The following AOAH variants were observed in gnomAD, a reference collection of about 807,000 sequenced individuals.
AOAH encodes the protein acyloxyacyl hydrolase.
AOAH carries 64 observed loss-of-function variants against 92.2 expected under a neutral mutation model. That is an observed-to-expected ratio of 0.69 (90% CI 0.57 to 0.86). The LOEUF (loss-of-function observed/expected upper bound fraction) is 0.86, where lower values mean the gene tolerates loss of function less well. Ranked by LOEUF, AOAH falls within the 40% of genes least tolerant of loss-of-function variation. The pLI, the probability that AOAH is intolerant of heterozygous loss-of-function variation, is 0.00. For synonymous variants in AOAH, 263 were observed against 254.5 expected, an observed-to-expected ratio of 1.03 and a Z score of -0.32; for missense variants, 656 against 694.6, an observed-to-expected ratio of 0.94 and a Z score of 0.62.
chr7:36,522,354 G>A (rs965993842), intron 19 of AOAH, among the ~76,000 whole-genome samples: 2 of 152,252 alleles, frequency 1.3e-5, no homozygotes, highest in African/African-American at 4.8e-5. Flanking sequence ...AATGTGGTTT[G>A]TGTAGCAGGG....
chr7:36,624,420 T>C (rs551890904), intron 6 of AOAH, among the ~76,000 whole-genome samples: 1 of 152,354 alleles, frequency 6.6e-6, no homozygotes, highest in African/African-American at 2.4e-5. Flanking sequence ...AATGGCAGCC[T>C]GGAGCCTGTC....
At chr7:36,617,830 G>A (rs2116002654) in intron 10 of AOAH, among the ~76,000 whole-genome samples, 1 of 152,310 alleles carries the variant, frequency 6.6e-6, no homozygotes, top group East Asian at 1.9e-4. Context: ...GTTATAGTCT[G>A]GCAGTCTCTC....
intron 2 of AOAH, among the ~76,000 whole-genome samples, chr7:36,685,549 A>T (rs534770596): frequency 6.6e-6 from 1 of 152,200 alleles, no homozygotes; most frequent in Non-Finnish European, 1.5e-5. Flanking sequence ...AACCAAAAAC[A>T]TTACTGGCAA....
chr7:36,690,158 T>C (rs923839794), intron 1 of AOAH: 3 of 455,058 alleles, frequency 6.6e-6, no homozygotes, highest in African/African-American at 2.0e-5. Flanking sequence ...CTTATGACAG[T>C]TGTGGCTTCT....
chr7:36,626,915 G>A (rs1049298654), intron 6 of AOAH, among the ~76,000 whole-genome samples: 6 of 152,084 alleles, frequency 3.9e-5, no homozygotes, highest in East Asian at 1.9e-4. Flanking sequence ...CAATGTGCCC[G>A]GCAACTCCAA....
In AOAH at chr7:36,603,675, A is replaced by G. The variant is rs961903645; in HGVS notation, c.847-9245T>C. Among the ~76,000 whole-genome samples, 8 of 152,288 alleles carry G rather than the reference A, an allele frequency of 5.3e-5. No individual in the cohort carries two copies. The East Asian group carries it at 5.8e-4, about 11-fold the overall frequency. ...AGTGAACGGGCATCGCTGTGTTCCA[A>G]TGAAACTTAGTTTACAAAAGCAGGG... On this transcript the variant is annotated intron_variant, in intron 11 of 20. Transcript: ENST00000617537.
At chr7:36,642,004 C>T (rs1793950274) in intron 4 of AOAH, among the ~76,000 whole-genome samples, 1 of 152,086 alleles carries the variant, frequency 6.6e-6, no homozygotes, top group Non-Finnish European at 1.5e-5. Flanking sequence ...AGTCTTCAGA[C>T]AAGAGGAGAG....
chr7:36,654,729 G>A (rs918867711), intron 4 of AOAH, among the ~76,000 whole-genome samples: 2 of 152,172 alleles, frequency 1.3e-5, no homozygotes, highest in African/African-American at 2.4e-5. Context: ...GCAGAGTCCT[G>A]CTTATGAGGA....
chr7:36,690,106 C>T (rs779639870), intron 1 of AOAH: 5 of 444,034 alleles, frequency 1.1e-5, no homozygotes, highest in Non-Finnish European at 2.2e-5. Context: ...CACATATGGG[C>T]TTTTCTTCTG....
intron 13 of AOAH, among the ~76,000 whole-genome samples, chr7:36,553,019 G>A (rs1457573130): frequency 6.7e-6 from 1 of 149,600 alleles, no homozygotes; most frequent in Non-Finnish European, 1.5e-5. Context: ...TGCACAATGT[G>A]CAGGTTACTT....
At chr7:36,545,318 A>G (rs1303736485) in intron 15 of AOAH, among the ~76,000 whole-genome samples, 1 of 152,322 alleles carries the variant, frequency 6.6e-6, no homozygotes, top group East Asian at 1.9e-4. Flanking sequence ...GAACTTCCTT[A>G]TCATTCCCTT....
intron 2 of AOAH, among the ~76,000 whole-genome samples, 171 bp downstream of exon 2, chr7:36,686,528 A>G (rs1239755881): frequency 1.4e-5 from 2 of 141,412 alleles, no homozygotes; most frequent in African/African-American, 5.7e-5. Flanking sequence ...AGTTGCCCAG[A>G]GCATTTTTTT....
intron 13 of AOAH, among the ~76,000 whole-genome samples, chr7:36,575,026 T>C (rs1456316189): frequency 6.6e-6 from 1 of 151,242 alleles, no homozygotes; most frequent in Non-Finnish European, 1.5e-5. Flanking sequence ...TTTTTTGTGC[T>C]TTGTTTTTTA....
At chr7:36,701,616 T>C (rs2116893505) in intron 1 of AOAH, among the ~76,000 whole-genome samples, 1 of 152,010 alleles carries the variant, frequency 6.6e-6, no homozygotes, top group East Asian at 1.9e-4. Context: ...TATTTATCCC[T>C]ATTCTCTTAC....
At chr7:36,550,721 AC>A (rs1467133379) in intron 13 of AOAH, among the ~76,000 whole-genome samples, 1 of 152,132 alleles carries the variant, frequency 6.6e-6, no homozygotes, top group Non-Finnish European at 1.5e-5. Context: ...GGGTGGTGCA[AC>A]TCGGTGGACC....
chr7:36,602,272 C>T (rs1790668056), intron 11 of AOAH, among the ~76,000 whole-genome samples: 1 of 152,066 alleles, frequency 6.6e-6, no homozygotes, highest in Admixed American at 6.5e-5. Context: ...ACCTTGTCAG[C>T]TCCTCTTAGT....
chr7:36,667,903 G>T (rs2116602312), intron 3 of AOAH, among the ~76,000 whole-genome samples: 1 of 152,244 alleles, frequency 6.6e-6, no homozygotes, highest in East Asian at 1.9e-4. Context: ...GCATGGTATA[G>T]CTTTCTCTAT....
chr7:36,678,608 C>CACGCGCGT (rs1796447344), intron 2 of AOAH, among the ~76,000 whole-genome samples: 1 of 118,480 alleles, frequency 8.4e-6, no homozygotes, highest in Admixed American at 8.1e-5. Context: ...TGTGCGCGCG[C>CACGCGCGT]GCGCGCGTTA....
chr7:36,687,213 C>A (rs1797088288), intron 1 of AOAH, among the ~76,000 whole-genome samples: 1 of 152,168 alleles, frequency 6.6e-6, no homozygotes. Context: ...CCTTTCTGAA[C>A]CTGGTTTCCT....
Sources: allele counts gnomAD v4.1 joint callset (sites outside exome capture counted in the v4.1 genomes callset), GRCh38; gene constraint gnomAD v4.1.1; transcripts MANE v1.5; gene names NCBI Gene and HGNC (gene_info 2026-07-23, HGNC 2026-07-21).